Variants in ASAP2 observed in about 807,000 individuals in gnomAD.
The protein encoded by ASAP2 is ArfGAP with SH3 domain, ankyrin repeat and PH domain 2.
A neutral mutation model predicts 131.4 loss-of-function variants in ASAP2; 45 were observed. That is an observed-to-expected ratio of 0.34 (90% CI 0.27 to 0.44). The LOEUF is 0.44. Among genes scored for constraint, ASAP2 ranks in the 20% least tolerant of loss-of-function variants. ASAP2 has a pLI of 1.00. For synonymous variants in ASAP2, 510 were observed against 503.0 expected (o/e 1.01, Z -0.19); for missense variants, 1,011 against 1,297.0 (o/e 0.78, Z 3.39).
In ASAP2 at chr2:9,291,269, T is replaced by C. The variant is rs564182890; in HGVS notation, c.200-6031T>C. ...CTGGAAGTGGGATTATCCAGAAGAA[T>C]GATACACATTAGTAAATTGGAAATG... On this transcript the variant is annotated intron_variant, in intron 2 of 27. Transcript: ENST00000281419. Among the ~76,000 whole-genome samples the C allele has an allele frequency of 2.0e-5, 3 of 152,356 alleles. No homozygotes were observed. The South Asian group carries it at 6.2e-4, about 32-fold the overall frequency.
intron 3 of ASAP2, among the ~76,000 whole-genome samples, chr2:9,315,906 A>C (rs2148479452): frequency 6.6e-6 from 1 of 152,326 alleles, no homozygotes; most frequent in African/African-American, 2.4e-5. Context: ...AAAGTTCCCC[A>C]AAAAAGTTTA....
intron 1 of ASAP2, among the ~76,000 whole-genome samples, chr2:9,247,199 G>C (rs192426929): frequency 6.6e-6 from 1 of 152,290 alleles, no homozygotes; most frequent in Non-Finnish European, 1.5e-5. Flanking sequence ...GTCTGCTCGT[G>C]AGTTTTGACG....
chr2:9,291,626 G>A (rs1667818293), intron 2 of ASAP2, among the ~76,000 whole-genome samples: 1 of 152,178 alleles, frequency 6.6e-6, no homozygotes, highest in Admixed American at 6.5e-5. Flanking sequence ...GAGAACATAT[G>A]TCTCTCCTTA....
chr2:9,321,064 GAT>G (rs1670120813), intron 5 of ASAP2, among the ~76,000 whole-genome samples: 1 of 152,180 alleles, frequency 6.6e-6, no homozygotes, highest in South Asian at 2.1e-4. Flanking sequence ...ATACTGGAAA[GAT>G]ATGAAATGTG....
At chr2:9,350,724 T>C in intron 11 of ASAP2, 84 bp from the exon 12 acceptor site, 1 of 1,147,244 alleles carries the variant, frequency 8.7e-7, no homozygotes, top group Non-Finnish European at 1.2e-6. Flanking sequence ...GCTGTTGCTG[T>C]ATCTCGTGAG....
intron 3 of ASAP2, among the ~76,000 whole-genome samples, chr2:9,312,176 T>C (rs1669345071): frequency 6.6e-6 from 1 of 152,348 alleles, no homozygotes; most frequent in East Asian, 1.9e-4. Context: ...TCTTTTACAG[T>C]TAATCCCATC....
At chr2:9,319,343 A>G (rs950314280) in intron 4 of ASAP2, among the ~76,000 whole-genome samples, 1 of 152,238 alleles carries the variant, frequency 6.6e-6, no homozygotes, top group African/African-American at 2.4e-5. Context: ...CTGGAAACCC[A>G]GTCTTGACCC....
chr2:9,370,504 G>A (rs542225032), intron 16 of ASAP2, among the ~76,000 whole-genome samples: 1 of 152,270 alleles, frequency 6.6e-6, no homozygotes, highest in South Asian at 2.1e-4. Context: ...AACCTAGAGA[G>A]GCAGTAGGGA....
At chr2:9,275,516 G>A (rs1301797736) in intron 1 of ASAP2, among the ~76,000 whole-genome samples, 7 of 152,278 alleles carry the variant, frequency 4.6e-5, no homozygotes, top group South Asian at 2.1e-4. Flanking sequence ...TTTCCAGAAC[G>A]GCTACTGCCC....
At chr2:9,302,406 C>T (rs927260786) in intron 3 of ASAP2, among the ~76,000 whole-genome samples, 4 of 151,798 alleles carry the variant, frequency 2.6e-5, no homozygotes, top group East Asian at 1.9e-4. Flanking sequence ...TTCCTGACCT[C>T]GTGATCTGCC....
chr2:9,401,938 A>G (rs898789345), intron 27 of ASAP2, among the ~76,000 whole-genome samples: 1 of 152,228 alleles, frequency 6.6e-6, no homozygotes, highest in African/African-American at 2.4e-5. Context: ...GAGGTCACAC[A>G]CACACAGTCT....
At position 9,374,819 on chromosome 2, in the gene ASAP2, G is replaced by A. The variant is rs1332097865; in HGVS notation, c.1621G>A (p.Ala541Thr). 18 of 1,613,930 alleles carry A rather than the reference G, an allele frequency of 1.1e-5. No individual in the cohort carries two copies. Among genetic ancestry groups the A allele is most frequent in the East Asian group, 4.5e-5 (2 of 44,878 alleles). The change falls in exon 17 of 28, where the codon GCG becomes ACG. Residue 541 changes from alanine to threonine, a missense_variant. Ala to Thr is a moderately conservative substitution (Grantham distance 58). Around this residue, in one of 2 missense-constraint regions of ASAP2, gnomAD observed 652 missense variants for 698.9 expected, o/e 0.93. Transcript: ENST00000281419. ...IERRYARKKH[A>T]DNAAKLHSLC... The stretch of plus-strand genomic sequence containing the variant: ...GAGGAGATACGCAAGGAAGAAGCAC[G>A]CGGATAACGCGGCGAAGCTTCACAG...
At chr2:9,343,800 A>T (rs1237185468) in intron 9 of ASAP2, among the ~76,000 whole-genome samples, 1 of 152,106 alleles carries the variant, frequency 6.6e-6, no homozygotes, top group Non-Finnish European at 1.5e-5. Context: ...CAGACACTGG[A>T]CTTGGGCCCT....
intron 1 of ASAP2, among the ~76,000 whole-genome samples, chr2:9,215,614 C>T (rs7598230): frequency 0.21 from 31,906 of 150,564 alleles, 3,587 homozygotes; most frequent in African/African-American, 0.25. Flanking sequence ...TTATGGACCC[C>T]CTGGATTCAG....
chr2:9,270,634 T>C (rs1666280533), intron 1 of ASAP2, among the ~76,000 whole-genome samples: 1 of 152,004 alleles, frequency 6.6e-6, no homozygotes, highest in Admixed American at 6.5e-5. Context: ...TTGACCTTTG[T>C]CACCCTGTTT....
At chr2:9,399,953 A>G (rs747386655) in intron 24 of ASAP2, 70 bp from the exon 25 acceptor site, 3 of 1,503,988 alleles carry the variant, frequency 2.0e-6, no homozygotes, top group Non-Finnish European at 2.8e-6. Flanking sequence ...AGGTTCTCTG[A>G]TAAAAGGGGA....
At chr2:9,332,523 T>G (rs1670911508) in intron 7 of ASAP2, among the ~76,000 whole-genome samples, 1 of 152,236 alleles carries the variant, frequency 6.6e-6, no homozygotes, top group Non-Finnish European at 1.5e-5. Context: ...AGTACACCAT[T>G]CATCGTCATG....
Position 9,207,009 on chromosome 2 carries a change from G to A in ASAP2, c.-96G>A, listed in dbSNP as rs1661153062. 1 of 1,073,518 alleles carries A rather than the reference G, an allele frequency of 9.3e-7. No individual in the cohort carries two copies. Among genetic ancestry groups the A allele is most frequent in the Non-Finnish European group, 1.1e-6 (1 of 882,138 alleles). The allele number at this position is 1,073,518 out of a possible 1,614,324, so 66.5% of individuals were successfully genotyped here. On this transcript the variant is annotated 5_prime_UTR_variant, in exon 1 of 28. Transcript: ENST00000281419. This position sits in a 1 kb window ranked among gnomAD's most constrained non-coding sequence, Gnocchi z 4.1. ...TTTGTCCGCGGGCCGGAGCGGCGGC[G>A]GCAGCGGCGGTGTCCGAGCGGCGGT...
At position 9,311,193 on chromosome 2, in the gene ASAP2, A is replaced by G. The variant is rs1286029578; in HGVS notation, c.346-7331A>G. Among the ~76,000 whole-genome samples the G allele has an allele frequency of 6.6e-6, 1 of 151,932 alleles. No homozygotes were observed. Among genetic ancestry groups the G allele is most frequent in the East Asian group, 1.9e-4 (1 of 5,178 alleles). ...GGTTGCTTGAGCCCAGAAGTTTGAG[A>G]CCAGCGTTGGCAACATGGGGAGACC... On this transcript the variant is annotated intron_variant, in intron 3 of 27. Transcript: ENST00000281419. The surrounding 1 kb of genome is among the most constrained non-coding windows in gnomAD (Gnocchi z 5.2).
Sources: allele counts gnomAD v4.1 joint callset (sites outside exome capture counted in the v4.1 genomes callset), GRCh38; gene constraint gnomAD v4.1.1; regional missense constraint gnomAD v4.1.1; non-coding constraint Gnocchi (gnomAD v3.1); transcripts MANE v1.5; gene names NCBI Gene and HGNC (gene_info 2026-07-23, HGNC 2026-07-21).